The following TMEM132C variants were observed in gnomAD, a reference collection of about 807,000 sequenced individuals.
The protein encoded by TMEM132C is transmembrane protein 132C.
In TMEM132C, 29 loss-of-function variants were observed where a neutral mutation model predicts 61.4. The observed-to-expected ratio is 0.47, with a 90% CI of 0.35 to 0.64. The LOEUF (loss-of-function observed/expected upper bound fraction) is 0.64, where lower values mean the gene tolerates loss of function less well. Among genes scored for constraint, TMEM132C ranks in the 30% least tolerant of loss-of-function variants. The pLI is 0.00. For synonymous variants in TMEM132C, 656 were observed against 633.1 expected, an observed-to-expected ratio of 1.04 and a Z score of -0.54; for missense variants, 1,408 against 1,476.9, an observed-to-expected ratio of 0.95 and a Z score of 0.76.
chr12:128,564,871 T>TC (rs1874642842), intron 3 of TMEM132C, among the ~76,000 whole-genome samples: 1 of 152,092 alleles, frequency 6.6e-6, no homozygotes, highest in Admixed American at 6.5e-5. Context: ...TCTCCAGGGA[T>TC]CCCCCCTTCC....
At chr12:128,600,267 C>G (rs920825629) in intron 3 of TMEM132C, among the ~76,000 whole-genome samples, 1 of 152,120 alleles carries the variant, frequency 6.6e-6, no homozygotes, top group African/African-American at 2.4e-5. Context: ...CAGGTGTGAG[C>G]CACCGCACCG....
intron 3 of TMEM132C, among the ~76,000 whole-genome samples, chr12:128,568,923 T>G (rs778558690): frequency 6.6e-6 from 1 of 152,188 alleles, no homozygotes; most frequent in African/African-American, 2.4e-5. Flanking sequence ...TTTAAAAATA[T>G]TTACTGAGAT....
At chr12:128,664,380 T>G (rs547902745) in intron 4 of TMEM132C, among the ~76,000 whole-genome samples, 1 of 152,334 alleles carries the variant, frequency 6.6e-6, no homozygotes, top group African/African-American at 2.4e-5. Flanking sequence ...TTTTTTCAAA[T>G]TTGAAATGAC....
intron 1 of TMEM132C, among the ~76,000 whole-genome samples, chr12:128,267,920 C>A (rs112194153): frequency 4.6e-5 from 7 of 152,208 alleles, no homozygotes; most frequent in African/African-American, 1.7e-4. Context: ...TCCACAGCTC[C>A]CCATCCACAG....
At position 128,706,211 on chromosome 12, in the gene TMEM132C, CATCAA is replaced by C; in HGVS notation, c.3246_3250del (p.Ile1082MetfsTer15). On this transcript the variant is annotated frameshift_variant, in exon 9 of 9. Transcript: ENST00000435159. LOFTEE classifies it low-confidence loss of function (END_TRUNC). The stretch of plus-strand genomic sequence containing the variant: ...CCATCGTCAGCAGCAATGATGAGGA[CATCAA>C]ATGGGTGTGTCAAGACGTGGCTGTG... The C allele has an allele frequency of 6.4e-7, 1 of 1,551,814 alleles. No individual in the cohort carries two copies. The highest frequency in any genetic ancestry group is 8.7e-7 in the Non-Finnish European group (1 of 1,147,028).
At chr12:128,412,705 G>A (rs899293274) in intron 1 of TMEM132C, among the ~76,000 whole-genome samples, 6 of 152,140 alleles carry the variant, frequency 3.9e-5, no homozygotes, top group Admixed American at 1.3e-4. Context: ...GGTACTGTGA[G>A]TCCATTAAAC....
intron 1 of TMEM132C, among the ~76,000 whole-genome samples, chr12:128,311,763 C>A (rs1029311727): frequency 2.0e-5 from 3 of 152,228 alleles, no homozygotes; most frequent in Non-Finnish European, 2.9e-5. Flanking sequence ...CTGCTCAAAC[C>A]TTTTTATCAA....
chr12:128,473,538 C>T (rs1871050492), intron 2 of TMEM132C, among the ~76,000 whole-genome samples: 1 of 149,848 alleles, frequency 6.7e-6, no homozygotes, highest in Admixed American at 6.6e-5. Context: ...CACCATCCAT[C>T]TTCACTCCAG....
chr12:128,456,411 T>TTTTTTTTTTTTTTTG, intron 2 of TMEM132C, among the ~76,000 whole-genome samples: 1 of 74,350 alleles, frequency 1.3e-5, no homozygotes, highest in Non-Finnish European at 2.6e-5. Context: ...TTTTTTTTTT[T>TTTTTTTTTTTTTTTG]TTTTTTTTTT....
intron 3 of TMEM132C, among the ~76,000 whole-genome samples, chr12:128,605,319 A>C (rs1876383572): frequency 6.6e-6 from 1 of 152,138 alleles, no homozygotes; most frequent in Non-Finnish European, 1.5e-5. Context: ...CAGGGAAAAA[A>C]CTGATGTCCC....
At chr12:128,412,936 TAC>T (rs1474536007) in intron 1 of TMEM132C, among the ~76,000 whole-genome samples, 1 of 152,190 alleles carries the variant, frequency 6.6e-6, no homozygotes, top group Non-Finnish European at 1.5e-5. Context: ...TGTGTGTATT[TAC>T]TGTAGTTCAT....
At chr12:128,318,980 C>T (rs547717067) in intron 1 of TMEM132C, among the ~76,000 whole-genome samples, 2 of 152,296 alleles carry the variant, frequency 1.3e-5, no homozygotes, top group East Asian at 1.9e-4. Flanking sequence ...CTAGAGCTTA[C>T]GCATCTCCAT....
At chr12:128,318,153 C>A (rs1207125376) in intron 1 of TMEM132C, among the ~76,000 whole-genome samples, 1 of 152,098 alleles carries the variant, frequency 6.6e-6, no homozygotes. Context: ...AGGAATGAAT[C>A]AAAAACAGAA....
chr12:128,638,095 G>C (rs1376248329), intron 4 of TMEM132C, among the ~76,000 whole-genome samples: 1 of 152,252 alleles, frequency 6.6e-6, no homozygotes, highest in African/African-American at 2.4e-5. Context: ...CTTCTGCAGA[G>C]GTTGGGGTAA....
At chr12:128,438,144 A>G (rs1046487311) in intron 2 of TMEM132C, 2 of 152,132 alleles carry the variant, frequency 1.3e-5, no homozygotes, top group African/African-American at 2.4e-5. Flanking sequence ...TCCAAAAAAA[A>G]TTCCTTCTTA....
At chr12:128,587,904 G>A (rs1024466157) in intron 3 of TMEM132C, among the ~76,000 whole-genome samples, 12 of 152,212 alleles carry the variant, frequency 7.9e-5, no homozygotes, top group African/African-American at 2.7e-4. Context: ...TGATGCAGGC[G>A]ATATGCATTC....
chr12:128,395,028 T>C (rs1267664544), intron 1 of TMEM132C, among the ~76,000 whole-genome samples: 1 of 151,996 alleles, frequency 6.6e-6, no homozygotes, highest in Non-Finnish European at 1.5e-5. Flanking sequence ...ATAATTTTTT[T>C]CTAAACATTT....
At chr12:128,588,911 A>G (rs1875647865) in intron 3 of TMEM132C, among the ~76,000 whole-genome samples, 1 of 152,158 alleles carries the variant, frequency 6.6e-6, no homozygotes. Context: ...GTAAGAAGAG[A>G]AAGTCAGGGA....
chr12:128,306,494 A>G (rs916246432), intron 1 of TMEM132C, among the ~76,000 whole-genome samples: 35 of 152,012 alleles, frequency 2.3e-4, no homozygotes, highest in Non-Finnish European at 4.4e-4. Context: ...GAGCCACCGC[A>G]CCTGGCCACC....
Sources: allele counts gnomAD v4.1 joint callset (sites outside exome capture counted in the v4.1 genomes callset), GRCh38; gene constraint gnomAD v4.1.1; transcripts MANE v1.5; gene names NCBI Gene and HGNC (gene_info 2026-07-23, HGNC 2026-07-21).